Variants in LRP1B observed in about 807,000 individuals in gnomAD.
The protein encoded by LRP1B is low-density lipoprotein receptor-related protein 1B.
In LRP1B, 217 loss-of-function variants were observed where a neutral mutation model predicts 556.6. That is an observed-to-expected ratio of 0.39 (90% CI 0.35 to 0.44). The LOEUF (loss-of-function observed/expected upper bound fraction) is 0.44. LRP1B is among the 20% of genes least tolerant of loss of function. The pLI is 1.00. For missense variants in LRP1B, 5,053 were observed against 5,620.8 expected, an observed-to-expected ratio of 0.90 and a Z score of 3.23; for synonymous variants, 2,047 against 1,865.8, an observed-to-expected ratio of 1.10 and a Z score of -2.50.
At chr2:141,443,345 G>C (rs1016448753) in intron 3 of LRP1B, among the ~76,000 whole-genome samples, 1 of 152,042 alleles carries the variant, frequency 6.6e-6, no homozygotes, top group African/African-American at 2.4e-5. Flanking sequence ...TTGTCAGATG[G>C]ATAGGTTGCA....
intron 18 of LRP1B, among the ~76,000 whole-genome samples, chr2:140,975,453 C>T (rs1333084208): frequency 8.7e-6 from 1 of 114,614 alleles, no homozygotes; most frequent in African/African-American, 3.1e-5. Context: ...CTCATTTCCT[C>T]CATGTCTCCT....
chr2:142,074,632 T>C (rs1705435686), intron 1 of LRP1B, among the ~76,000 whole-genome samples: 1 of 152,070 alleles, frequency 6.6e-6, no homozygotes, highest in African/African-American at 2.4e-5. Flanking sequence ...CTCTACTGGC[T>C]CTGCCTCTTA....
At chr2:141,943,510 T>C (rs1359813107) in intron 1 of LRP1B, among the ~76,000 whole-genome samples, 1 of 152,178 alleles carries the variant, frequency 6.6e-6, no homozygotes, top group Non-Finnish European at 1.5e-5. Context: ...AGTTTTATAT[T>C]TAAATTACCA....
chr2:140,604,459 G>T (rs1236383611), intron 41 of LRP1B, among the ~76,000 whole-genome samples: 3 of 152,034 alleles, frequency 2.0e-5, no homozygotes, highest in Non-Finnish European at 4.4e-5. Flanking sequence ...GCTTGGCAGA[G>T]AAATAAACCA....
chr2:140,894,783 T>C (rs918651960), intron 23 of LRP1B, among the ~76,000 whole-genome samples: 5 of 151,944 alleles, frequency 3.3e-5, no homozygotes, highest in Non-Finnish European at 7.4e-5. Context: ...ACCCCGTCTC[T>C]ACAAAAATAC....
intron 22 of LRP1B, among the ~76,000 whole-genome samples, chr2:140,905,844 T>C (rs1694235827): frequency 6.6e-6 from 1 of 152,160 alleles, no homozygotes; most frequent in African/African-American, 2.4e-5. Flanking sequence ...GGCTTTGACA[T>C]ATTATTGTAA....
intron 11 of LRP1B, among the ~76,000 whole-genome samples, chr2:141,039,228 C>A (rs892036862): frequency 4.6e-5 from 7 of 152,072 alleles, no homozygotes; most frequent in African/African-American, 1.7e-4. Context: ...GATTGACAGA[C>A]CACAAGAAGA....
chr2:140,284,907 C>CCTACCTGTAT (rs6146935), intron 84 of LRP1B, among the ~76,000 whole-genome samples: 3 of 148,364 alleles, frequency 2.0e-5, no homozygotes, highest in Non-Finnish European at 3.0e-5. Flanking sequence ...TATCTATATA[C>CCTACCTGTAT]CTATATACCT....
intron 4 of LRP1B, among the ~76,000 whole-genome samples, chr2:141,252,107 A>T (rs1037789900): frequency 2.0e-5 from 3 of 151,838 alleles, no homozygotes; most frequent in African/African-American, 4.8e-5. Flanking sequence ...TGTGCCACAC[A>T]CTTAAGCTTC....
chr2:141,369,506 T>A (rs2105587190), intron 3 of LRP1B, among the ~76,000 whole-genome samples: 1 of 152,262 alleles, frequency 6.6e-6, no homozygotes, highest in Non-Finnish European at 1.5e-5. Flanking sequence ...TTTGTCTCAA[T>A]TTTTAAACCC....
chr2:140,279,477 T>C (rs752731990), intron 84 of LRP1B, among the ~76,000 whole-genome samples: 1 of 151,972 alleles, frequency 6.6e-6, no homozygotes, highest in Non-Finnish European at 1.5e-5. Context: ...TTCACATCTA[T>C]AATGCACTTA....
intron 7 of LRP1B, among the ~76,000 whole-genome samples, chr2:141,122,086 A>G (rs1016953693): frequency 6.6e-6 from 1 of 152,184 alleles, no homozygotes; most frequent in Non-Finnish European, 1.5e-5. Context: ...CTTACACCTT[A>G]TACAAAAATT....
At position 140,483,615 on chromosome 2, in the gene LRP1B, C is replaced by CATATATATATAT. The variant is rs201503377; in HGVS notation, c.9425+1716_9425+1727dup. Among the ~76,000 whole-genome samples the CATATATATATAT allele has an allele frequency of 4.4e-4, 39 of 88,332 alleles. 1 individual carries two copies. Among genetic ancestry groups the CATATATATATAT allele is most frequent in the South Asian group, 8.2e-4 (2 of 2,450 alleles). 57.9% of individuals were successfully genotyped at this position (88,332 alleles called of 152,430 possible). ...ATATATAGACACACACACACACACA[C>CATATATATATAT]ATATATATATATATATATATATATA... On this transcript the variant is annotated intron_variant, in intron 59 of 90. Transcript: ENST00000389484.
At position 141,211,770 on chromosome 2, in the gene LRP1B, G is replaced by T. The variant is rs1433539068; in HGVS notation, c.850+17413C>A. Among the ~76,000 whole-genome samples, 3 of 152,278 alleles carry T rather than the reference G, an allele frequency of 2.0e-5. No homozygotes were observed. In the South Asian group the frequency reaches 6.2e-4, roughly 32 times the overall value. ...TTAATGCTAATACCTTCAACATTAA[G>T]CATATGGTATCAGGAAGGGAATTCT... On this transcript the variant is annotated intron_variant, in intron 6 of 90. Coordinates refer to ENST00000389484, the MANE Select transcript of LRP1B (RefSeq NM_018557.3).
At chr2:140,524,832 T>C (rs376036641) in intron 49 of LRP1B, among the ~76,000 whole-genome samples, 13 of 151,734 alleles carry the variant, frequency 8.6e-5, no homozygotes, top group African/African-American at 2.9e-4. Context: ...ACTGAAAAAC[T>C]ATTAGGTACC....
chr2:141,157,751 C>T (rs1461687058), intron 7 of LRP1B, among the ~76,000 whole-genome samples: 1 of 151,992 alleles, frequency 6.6e-6, no homozygotes, highest in Non-Finnish European at 1.5e-5. Flanking sequence ...TTTAACATCG[C>T]TGAGAAAAGA....
At chr2:141,899,531 T>A (rs1699555192) in intron 1 of LRP1B, among the ~76,000 whole-genome samples, 1 of 152,082 alleles carries the variant, frequency 6.6e-6, no homozygotes, top group Non-Finnish European at 1.5e-5. Context: ...GGGATTCAGG[T>A]GAGAGCTAGC....
intron 2 of LRP1B, among the ~76,000 whole-genome samples, chr2:141,739,501 T>C (rs927109783): frequency 7.9e-5 from 12 of 152,060 alleles, no homozygotes; most frequent in African/African-American, 2.9e-4. Flanking sequence ...TGGTTTTCAA[T>C]TCTGTTTCTT....
chr2:140,360,436 T>A (rs148691008), intron 72 of LRP1B, among the ~76,000 whole-genome samples: 3 of 151,720 alleles, frequency 2.0e-5, no homozygotes, highest in Non-Finnish European at 3.0e-5. Context: ...CATTTCCTAC[T>A]ACAGCTTCCA....
Sources: allele counts gnomAD v4.1 joint callset (sites outside exome capture counted in the v4.1 genomes callset), GRCh38; gene constraint gnomAD v4.1.1; transcripts MANE v1.5; gene names NCBI Gene and HGNC (gene_info 2026-07-23, HGNC 2026-07-21).